TRIO: variants seen among roughly 807,000 people sequenced by gnomAD.
TRIO encodes the protein triple functional domain protein.
Under a neutral mutation model 351.9 loss-of-function variants are expected in TRIO, and 58 were observed. That is an observed-to-expected ratio of 0.16 (90% CI 0.13 to 0.21). The LOEUF is 0.21. Ranked by LOEUF, TRIO falls within the 10% of genes least tolerant of loss-of-function variation. The pLI, the probability that TRIO is intolerant of heterozygous loss-of-function variation, is 1.00. For missense variants in TRIO, 3,201 were observed against 4,027.8 expected (o/e 0.79, Z 5.56); for synonymous variants, 1,758 against 1,595.7 (o/e 1.10, Z -2.42).
At chr5:14,167,265 G>A (rs1788824042) in intron 1 of TRIO, among the ~76,000 whole-genome samples, 1 of 151,870 alleles carries the variant, frequency 6.6e-6, no homozygotes, top group Non-Finnish European at 1.5e-5. Context: ...GATTTGCTAA[G>A]TTCTTGGGTA....
At chr5:14,180,864 T>C (rs2152137291) in intron 1 of TRIO, among the ~76,000 whole-genome samples, 1 of 151,114 alleles carries the variant, frequency 6.6e-6, no homozygotes, top group African/African-American at 2.4e-5. Context: ...AAAAAAGAAA[T>C]ATAGGTAGGT....
intron 1 of TRIO, among the ~76,000 whole-genome samples, chr5:14,152,203 T>C (rs770222341): frequency 2.0e-5 from 3 of 152,194 alleles, no homozygotes; most frequent in Non-Finnish European, 2.9e-5. Context: ...TTTTAAAAAA[T>C]TTAAGTTCAT....
intron 34 of TRIO, among the ~76,000 whole-genome samples, chr5:14,442,190 G>T (rs959645666): frequency 6.6e-6 from 1 of 152,206 alleles, no homozygotes; most frequent in African/African-American, 2.4e-5. Flanking sequence ...CCAGAATTTG[G>T]GTCTTGGCCT....
chr5:14,424,522 T>C (rs1750475624), intron 34 of TRIO, among the ~76,000 whole-genome samples: 1 of 152,174 alleles, frequency 6.6e-6, no homozygotes, highest in East Asian at 1.9e-4. Context: ...TAAAACCTTT[T>C]GCTTGTGGGT....
chr5:14,258,081 A>G (rs1407570664), intron 1 of TRIO, among the ~76,000 whole-genome samples: 1 of 152,172 alleles, frequency 6.6e-6, no homozygotes, highest in Non-Finnish European at 1.5e-5. Context: ...CTAACTAGAC[A>G]CCTAAGTAAC....
chr5:14,479,184 G>C, intron 41 of TRIO, 77 bp from the exon 42 acceptor site: 1 of 1,240,810 alleles, frequency 8.1e-7, no homozygotes, highest in Non-Finnish European at 1.2e-6. Context: ...TGAATGTGCT[G>C]AAATGTGCGG....
At position 14,368,698 on chromosome 5, in the gene TRIO, C is replaced by G. The variant is rs1744811214; in HGVS notation, c.2875-10C>G. ...ACAAATAAGCCTTCCCTTTTGTTCT[C>G]TGTCTCTAGAAAACACATCAGAGCG... On this transcript the variant is annotated splice_polypyrimidine_tract_variant and intron_variant, in intron 16 of 56. Coordinates refer to ENST00000344204, the MANE Select transcript of TRIO (RefSeq NM_007118.4). 1 of 1,606,608 alleles carries G rather than the reference C, an allele frequency of 6.2e-7. No homozygotes were observed. The highest frequency in any genetic ancestry group is 8.5e-7 in the Non-Finnish European group (1 of 1,174,074).
chr5:14,193,296 GA>G (rs369248105), intron 1 of TRIO, among the ~76,000 whole-genome samples: 8,800 of 152,148 alleles, frequency 0.058, 820 homozygotes, highest in African/African-American at 0.2. Flanking sequence ...TTTGTTTTAG[GA>G]AAAACGTACC....
In TRIO at chr5:14,336,637, G is replaced by A; in HGVS notation, c.1956G>A (p.Leu652=). 5 of 1,614,174 alleles carry A rather than the reference G, an allele frequency of 3.1e-6. No homozygotes were observed. The highest frequency in any genetic ancestry group is 2.2e-5 in the East Asian group (1 of 44,882). ...AGATTTATCAGGCTGCCCATCAGCT[G>A]GAAGACCGGATTCAAGATTTCGTTC... is the stretch of plus-strand genomic sequence containing the variant. ...PEEIYQAAHQ[L]EDRIQDFVRR... Residue 652 remains leucine, a synonymous_variant, in exon 11 of 57, where the codon CTG becomes CTA. Transcript: ENST00000344204.
At chr5:14,358,135 G>C (rs575083079) in intron 11 of TRIO, 43 bp from the exon 12 acceptor site, 24 of 1,581,792 alleles carry the variant, frequency 1.5e-5, no homozygotes, top group Non-Finnish European at 2.1e-5. Flanking sequence ...ACCTGGTGGT[G>C]CAGCCAGGCC....
chr5:14,190,789 G>GAA (rs1790406983), intron 1 of TRIO, among the ~76,000 whole-genome samples: 2 of 152,060 alleles, frequency 1.3e-5, no homozygotes, highest in South Asian at 2.1e-4. Context: ...AAAAAGAAGT[G>GAA]AATGGCTGTT....
At chr5:14,290,352 A>G (rs1358826160) in intron 4 of TRIO, among the ~76,000 whole-genome samples, 1 of 152,246 alleles carries the variant, frequency 6.6e-6, no homozygotes, top group Admixed American at 6.5e-5. Context: ...AAATTTCTGA[A>G]TTGTTTGCTC....
In TRIO at chr5:14,461,302, G is replaced by A. The variant is rs1386841274; in HGVS notation, c.5487G>A (p.Thr1829=). The change falls in exon 35 of 57, where the codon ACG becomes ACA. Residue 1829 remains threonine, a synonymous_variant. Coordinates refer to ENST00000344204, the MANE Select transcript of TRIO (RefSeq NM_007118.4). ...DDSAATPQDE[T]VEERGRNEGL... is the part of the protein sequence containing the mutation. ...GTGCGGCCACCCCGCAGGACGAGAC[G>A]GTCGAGGAGGTGAGGCTCTGCCCGC... The A allele has an allele frequency of 1.3e-6, 2 of 1,572,278 alleles. No homozygotes were observed. The highest frequency in any genetic ancestry group is 1.2e-5 in the South Asian group (1 of 85,680).
At chr5:14,277,026 A>T (rs1735578974) in intron 2 of TRIO, among the ~76,000 whole-genome samples, 2 of 152,230 alleles carry the variant, frequency 1.3e-5, no homozygotes, top group African/African-American at 4.8e-5. Flanking sequence ...CTGCTAACTG[A>T]TACCTGATAG....
intron 1 of TRIO, among the ~76,000 whole-genome samples, chr5:14,202,293 G>GTTTTTTTTTTTTTTTTTTTTTTTT (rs1561196197): frequency 2.9e-5 from 1 of 34,350 alleles, no homozygotes; most frequent in African/African-American, 1.0e-4. Flanking sequence ...ATATTTTTGT[G>GTTTTTTTTTTTTTTTTTTTTTTTT]ATTTTTTTTT....
intron 34 of TRIO, among the ~76,000 whole-genome samples, chr5:14,458,521 A>G (rs544444288): frequency 1.1e-4 from 16 of 152,322 alleles, no homozygotes; most frequent in African/African-American, 3.1e-4. Context: ...CCTATAGTAC[A>G]GGATAATTTT....
chr5:14,357,422 T>C (rs1743715958), intron 11 of TRIO, among the ~76,000 whole-genome samples: 1 of 152,238 alleles, frequency 6.6e-6, no homozygotes, highest in Non-Finnish European at 1.5e-5. Flanking sequence ...CAGGAGTTAA[T>C]GGACTTTCAG....
At chr5:14,472,814 T>G (rs1754784884) in intron 39 of TRIO, among the ~76,000 whole-genome samples, 156 bp downstream of exon 39, 1 of 152,246 alleles carries the variant, frequency 6.6e-6, no homozygotes. Flanking sequence ...AAATTAAGTT[T>G]AGCCAATTGT....
In TRIO at chr5:14,366,983, A is replaced by G. The variant is rs1744653458; in HGVS notation, c.2874+4A>G. 2.5e-6 allele frequency: 4 copies of G among 1,613,904 alleles called. No individual in the cohort carries two copies. The African/African-American group carries it at 4.0e-5, about 16-fold the overall frequency. On this transcript the variant is annotated splice_donor_region_variant and intron_variant, in intron 16 of 56. Transcript: ENST00000344204. ...GCAGTTCCAGCATGCCATTGAGGTA[A>G]GGGCGCTGGGCCTGCCTGTGTGTTG...
Sources: allele counts gnomAD v4.1 joint callset (sites outside exome capture counted in the v4.1 genomes callset), GRCh38; gene constraint gnomAD v4.1.1; transcripts MANE v1.5; gene names NCBI Gene and HGNC (gene_info 2026-07-23, HGNC 2026-07-21).